HIVEP2: variants seen among roughly 807,000 people sequenced by gnomAD.
HIVEP2 encodes the protein transcription factor HIVEP2.
HIVEP2 carries 14 observed loss-of-function variants against 180.7 expected under a neutral mutation model. The ratio of observed to expected loss-of-function variants is 0.08; its 90% CI spans 0.05 to 0.12. HIVEP2 has a LOEUF of 0.12. HIVEP2 is among the 10% of genes least tolerant of loss of function. The probability of loss-of-function intolerance (pLI) is 1.00; values close to 1 mark genes in which losing one functional copy is unlikely to be tolerated. For missense variants in HIVEP2, 2,579 were observed against 3,008.5 expected, an observed-to-expected ratio of 0.86 and a Z score of 3.34; for synonymous variants, 1,184 against 1,136.4, an observed-to-expected ratio of 1.04 and a Z score of -0.84.
At position 142,771,742 on chromosome 6, in the gene HIVEP2, C is replaced by T. The variant is rs375425691; in HGVS notation, c.2997G>A (p.Glu999=). 7.1e-5 allele frequency: 114 copies of T among 1,614,074 alleles called. No individual in the cohort carries two copies. Among genetic ancestry groups the T allele is most frequent in the Non-Finnish European group, 3.1e-5 (37 of 1,180,046 alleles). ...TCAGAAACTCTGAATGCTTCCCAAA[C>T]TCATCCTGCTTAGGAAGTGCAGAAA... ...SKLSALPKQD[E]FGKHSEFLTV... Residue 999 remains glutamate (E), a synonymous_variant, in exon 5 of 10, where the codon GAG becomes GAA. Transcript: ENST00000367603. The surrounding 1 kb of genome is among the most constrained non-coding windows in gnomAD (Gnocchi z 5.4).
intron 7 of HIVEP2, among the ~76,000 whole-genome samples, chr6:142,762,617 T>C (rs1775278877): frequency 6.6e-6 from 1 of 152,154 alleles, no homozygotes; most frequent in Non-Finnish European, 1.5e-5. Context: ...TTGACAACGC[T>C]TTAGCAATGT....
intron 1 of HIVEP2, among the ~76,000 whole-genome samples, chr6:142,937,015 G>C (rs1778074858): frequency 6.6e-6 from 1 of 152,092 alleles, no homozygotes; most frequent in African/African-American, 2.4e-5. Context: ...AGTAATCACT[G>C]GTCCTCTGGC....
chr6:142,789,531 A>G (rs1776087784), intron 2 of HIVEP2, among the ~76,000 whole-genome samples: 1 of 152,226 alleles, frequency 6.6e-6, no homozygotes, highest in African/African-American at 2.4e-5. Context: ...AGGGCTATGG[A>G]ATAATTTAGA....
intron 2 of HIVEP2, among the ~76,000 whole-genome samples, chr6:142,832,140 C>T (rs1181436779): frequency 6.7e-6 from 1 of 148,972 alleles, no homozygotes; most frequent in Non-Finnish European, 1.5e-5. Flanking sequence ...TGCAGTGAGC[C>T]GAGATTGTGC....
chr6:142,869,581 A>G (rs1776237671), intron 1 of HIVEP2, among the ~76,000 whole-genome samples: 1 of 152,104 alleles, frequency 6.6e-6, no homozygotes, highest in Non-Finnish European at 1.5e-5. Context: ...TCACTTTCCC[A>G]CGTCTTAACT....
chr6:142,810,593 C>A (rs984378447), intron 2 of HIVEP2, among the ~76,000 whole-genome samples: 2 of 151,798 alleles, frequency 1.3e-5, no homozygotes, highest in Non-Finnish European at 2.9e-5. Context: ...GAAACCCCGT[C>A]TCTATTAAAA....
chr6:142,848,286 C>T (rs1400331126), intron 1 of HIVEP2, among the ~76,000 whole-genome samples: 2 of 152,188 alleles, frequency 1.3e-5, no homozygotes, highest in Non-Finnish European at 2.9e-5. Context: ...GAAGGTATCA[C>T]TTCTGTAAAT....
intron 1 of HIVEP2, among the ~76,000 whole-genome samples, chr6:142,863,121 A>T (rs973491868): frequency 2.7e-4 from 40 of 146,724 alleles, no homozygotes; most frequent in African/African-American, 9.9e-4. Flanking sequence ...CATAATATAT[A>T]ATAGATTTGC....
At chr6:142,932,820 C>G (rs1777971640) in intron 1 of HIVEP2, among the ~76,000 whole-genome samples, 1 of 152,160 alleles carries the variant, frequency 6.6e-6, no homozygotes, top group Non-Finnish European at 1.5e-5. Context: ...ATTTCTTGCT[C>G]AGTTAGAGAT....
At chr6:142,925,668 T>C (rs1339732492) in intron 1 of HIVEP2, among the ~76,000 whole-genome samples, 1 of 152,198 alleles carries the variant, frequency 6.6e-6, no homozygotes, top group Non-Finnish European at 1.5e-5. Context: ...CATCTCATAA[T>C]CCTATGGGGA....
At chr6:142,787,524 T>A (rs1174120580) in intron 2 of HIVEP2, among the ~76,000 whole-genome samples, 2 of 141,428 alleles carry the variant, frequency 1.4e-5, no homozygotes, top group Admixed American at 7.3e-5. Flanking sequence ...ATATAATCCA[T>A]CAATTTCACA....
chr6:142,934,938 A>T (rs887718181), intron 1 of HIVEP2, among the ~76,000 whole-genome samples: 5 of 152,272 alleles, frequency 3.3e-5, no homozygotes, highest in African/African-American at 1.2e-4. Context: ...ATGCTTCCTC[A>T]AACTCCACAA....
At chr6:142,792,100 G>T (rs1003618963) in intron 2 of HIVEP2, among the ~76,000 whole-genome samples, 1 of 151,988 alleles carries the variant, frequency 6.6e-6, no homozygotes, top group Non-Finnish European at 1.5e-5. Context: ...GCACACTGAG[G>T]TGATGGTGGT....
chr6:142,818,943 G>T (rs1420794788), intron 2 of HIVEP2, among the ~76,000 whole-genome samples: 2 of 148,546 alleles, frequency 1.3e-5, no homozygotes, highest in Non-Finnish European at 3.0e-5. Flanking sequence ...TTCAAGATCA[G>T]CCAGGGAAAT....
At position 142,769,921 on chromosome 6, in the gene HIVEP2, G is replaced by A; in HGVS notation, c.4818C>T (p.Gly1606=). The change falls in exon 5 of 10, where the codon GGC becomes GGT. Residue 1606 remains glycine, a synonymous_variant. Coordinates refer to ENST00000367603, the MANE Select transcript of HIVEP2 (RefSeq NM_006734.4). The stretch of plus-strand genomic sequence containing the variant: ...GGGCAGAGGCCATGCGGACCAGCAT[G>A]CCAACAGGCCGCTTGTGGCCCTTCC... The part of the protein sequence containing the change: ...EEGKGHKRPV[G]MLVRMASAPS... 1 of 1,614,054 alleles carries A rather than the reference G, an allele frequency of 6.2e-7. No homozygotes were observed. The highest frequency in any genetic ancestry group is 8.5e-7 in the Non-Finnish European group (1 of 1,180,040).
At chr6:142,781,281 T>C (rs1775853817) in intron 3 of HIVEP2, among the ~76,000 whole-genome samples, 1 of 152,216 alleles carries the variant, frequency 6.6e-6, no homozygotes, top group African/African-American at 2.4e-5. Flanking sequence ...GTAATTCTCA[T>C]ATGAAAACAG....
chr6:142,824,482 C>G (rs1384214172), intron 2 of HIVEP2, among the ~76,000 whole-genome samples: 1 of 152,148 alleles, frequency 6.6e-6, no homozygotes, highest in Non-Finnish European at 1.5e-5. Flanking sequence ...TTGTGGGCCT[C>G]CATTTGAACT....
Position 142,921,204 on chromosome 6 carries a change from A to G in HIVEP2, c.-641+23895T>C, listed in dbSNP as rs144034564. ...CCCTTCCAATGTTTTCATCTATAAA[A>G]TAAGAAGACAAACAGCCCTGCCTCA... On this transcript the variant is annotated intron_variant, in intron 1 of 9. Coordinates refer to ENST00000367603, the MANE Select transcript of HIVEP2 (RefSeq NM_006734.4). 5.9e-3 allele frequency among the ~76,000 whole-genome samples: 898 copies of G among 152,348 alleles called. 13 individuals are homozygous for G. The highest frequency in any genetic ancestry group is 0.019 in the African/African-American group (790 of 41,582).
intron 1 of HIVEP2, among the ~76,000 whole-genome samples, chr6:142,904,946 A>G (rs945538804): frequency 2.6e-5 from 4 of 152,186 alleles, no homozygotes; most frequent in Admixed American, 2.6e-4. Flanking sequence ...TGTCATTAGC[A>G]TAAGCTTGTC....
Sources: allele counts gnomAD v4.1 joint callset (sites outside exome capture counted in the v4.1 genomes callset), GRCh38; gene constraint gnomAD v4.1.1; non-coding constraint Gnocchi (gnomAD v3.1); transcripts MANE v1.5; gene names NCBI Gene and HGNC (gene_info 2026-07-23, HGNC 2026-07-21).